The following TRIQK variants were observed in gnomAD, a reference collection of about 807,000 sequenced individuals.
TRIQK encodes triple QxxK/R motif-containing protein.
Under a neutral mutation model 10.8 loss-of-function variants are expected in TRIQK, and 10 were observed. The ratio of observed to expected loss-of-function variants is 0.92; its 90% confidence interval spans 0.57 to 1.57. TRIQK has a LOEUF of 1.57. TRIQK is among the 40% of genes most tolerant of loss of function. The probability of loss-of-function intolerance (pLI) is 0.00; values close to 1 mark genes in which losing one functional copy is unlikely to be tolerated. For synonymous variants in TRIQK, 33 were observed against 33.7 expected (o/e 0.98, Z 0.07); for missense variants, 107 against 97.7 (o/e 1.09, Z -0.40).
At chr8:92,902,221 C>T (rs907319865) in intron 3 of TRIQK, among the ~76,000 whole-genome samples, 2 of 151,998 alleles carry the variant, frequency 1.3e-5, no homozygotes, top group African/African-American at 2.4e-5. Flanking sequence ...GTATTTTAGT[C>T]CGTGGTGATG....
At chr8:92,926,537 T>C (rs1228000228) in intron 2 of TRIQK, among the ~76,000 whole-genome samples, 2 of 152,084 alleles carry the variant, frequency 1.3e-5, no homozygotes, top group South Asian at 2.1e-4. Context: ...AGATGAAAAT[T>C]TGAGTTGGTC....
At chr8:92,900,713 T>C (rs13252755) in intron 3 of TRIQK, among the ~76,000 whole-genome samples, 120,560 of 151,954 alleles carry the variant, frequency 0.79, 48,297 homozygotes, top group African/African-American at 0.88. Flanking sequence ...GGATGGCTTT[T>C]GCAATTCTGA....
intron 2 of TRIQK, among the ~76,000 whole-genome samples, chr8:92,944,387 T>C (rs924247801): frequency 6.6e-6 from 1 of 151,940 alleles, no homozygotes; most frequent in African/African-American, 2.4e-5. Flanking sequence ...AAAATCAGTT[T>C]GTCAAAGAGG....
At chr8:92,929,883 A>G (rs191212691) in intron 2 of TRIQK, among the ~76,000 whole-genome samples, 214 of 152,262 alleles carry the variant, frequency 1.4e-3, no homozygotes, top group Middle Eastern at 6.8e-3. Context: ...TAGTTAAGCT[A>G]GGATTGGTCT....
chr8:92,980,466 A>G (rs1812975670), intron 1 of TRIQK, among the ~76,000 whole-genome samples: 1 of 151,796 alleles, frequency 6.6e-6, no homozygotes, highest in African/African-American at 2.4e-5. Context: ...GCTTCATCTC[A>G]TTTTCTTTGT....
intron 1 of TRIQK, among the ~76,000 whole-genome samples, chr8:93,008,743 T>C (rs1813298925): frequency 6.6e-6 from 1 of 152,144 alleles, no homozygotes; most frequent in African/African-American, 2.4e-5. Context: ...GAAAGGATAG[T>C]CTCTTCATTG....
intron 4 of TRIQK, among the ~76,000 whole-genome samples, chr8:92,888,787 A>G (rs545350870): frequency 2.0e-4 from 31 of 151,760 alleles, no homozygotes; most frequent in African/African-American, 7.5e-4. Flanking sequence ...TTATTTATGT[A>G]ACAAAACTAA....
At chr8:92,936,824 A>G in intron 2 of TRIQK, among the ~76,000 whole-genome samples, 1 of 151,972 alleles carries the variant, frequency 6.6e-6, no homozygotes, top group East Asian at 1.9e-4. Flanking sequence ...TATAAAGTTT[A>G]TATATAAAAT....
At chr8:92,969,589 T>G (rs1812853887), upstream of TRIQK, among the ~76,000 whole-genome samples, 1 of 151,582 alleles carries the variant, frequency 6.6e-6, no homozygotes, top group African/African-American at 2.4e-5. Context: ...ATTTTATTTA[T>G]TTATTTTATT....
chr8:92,907,652 G>A (rs888191845), intron 3 of TRIQK, among the ~76,000 whole-genome samples: 4 of 151,992 alleles, frequency 2.6e-5, no homozygotes, highest in African/African-American at 9.7e-5. Context: ...ATACAATACA[G>A]ACAATCTGTA....
At chr8:92,917,976 A>G (rs954521232) in intron 2 of TRIQK, among the ~76,000 whole-genome samples, 7 of 151,962 alleles carry the variant, frequency 4.6e-5, no homozygotes, top group African/African-American at 1.2e-4. Flanking sequence ...AGAAAAAGCA[A>G]TATTTGTCTT....
intron 1 of TRIQK, among the ~76,000 whole-genome samples, chr8:93,007,690 T>G (rs1348573964): frequency 6.6e-6 from 1 of 152,170 alleles, no homozygotes. Context: ...ATAAATGACC[T>G]GACAGAGCTG....
chr8:92,903,946 G>A (rs1047887559), intron 3 of TRIQK, among the ~76,000 whole-genome samples: 2 of 152,118 alleles, frequency 1.3e-5, no homozygotes, highest in Non-Finnish European at 1.5e-5. Context: ...CAATCAAAGC[G>A]AGATATGTAT....
intron 3 of TRIQK, among the ~76,000 whole-genome samples, chr8:92,897,284 TG>T (rs1474033470): frequency 6.6e-6 from 1 of 152,192 alleles, no homozygotes; most frequent in Non-Finnish European, 1.5e-5. Flanking sequence ...GTAAGACTTT[TG>T]GGACTATTGA....
chr8:92,905,041 T>C (rs1809176358), intron 3 of TRIQK, among the ~76,000 whole-genome samples: 2 of 152,270 alleles, frequency 1.3e-5, no homozygotes, highest in East Asian at 1.9e-4. Flanking sequence ...TCCATACTTA[T>C]GACACAACAC....
chr8:92,956,002 G>A (rs963268828), intron 1 of TRIQK, among the ~76,000 whole-genome samples: 1 of 151,704 alleles, frequency 6.6e-6, no homozygotes, highest in African/African-American at 2.4e-5. Context: ...GAAAAGTTTG[G>A]CAGCTCCTCA....
intron 1 of TRIQK, chr8:92,973,019 A>T (rs931969729): frequency 1.2e-4 from 18 of 152,252 alleles, no homozygotes; most frequent in African/African-American, 4.1e-4. Flanking sequence ...CATAGAGTTC[A>T]TGGTGCCTCG....
At chr8:92,911,666 G>A (rs1434759379) in intron 3 of TRIQK, among the ~76,000 whole-genome samples, 2 of 151,068 alleles carry the variant, frequency 1.3e-5, no homozygotes, top group African/African-American at 4.8e-5. Context: ...ACCAAAAACT[G>A]TTACAAGAGA....
At chr8:92,977,112 G>T (rs1812941205) in intron 1 of TRIQK, among the ~76,000 whole-genome samples, 1 of 151,738 alleles carries the variant, frequency 6.6e-6, no homozygotes, top group African/African-American at 2.4e-5. Context: ...TTGCCATCTG[G>T]TATTATTTTC....
Sources: gnomAD v4.1 joint callset for allele counts (sites outside exome capture counted in the v4.1 genomes callset) on GRCh38, gnomAD v4.1.1 for gene constraint, MANE v1.5 for transcripts, NCBI Gene and HGNC (gene_info 2026-07-23, HGNC 2026-07-21) for gene names.